Variants in JAKMIP2 observed in about 807,000 individuals in gnomAD.
JAKMIP2 encodes the protein janus kinase and microtubule interacting protein 2, also known as janus kinase and microtubule-interacting protein 2.
In JAKMIP2, 25 loss-of-function variants were observed where a neutral mutation model predicts 115.0. The observed-to-expected ratio is 0.22, with a 90% CI of 0.16 to 0.30. JAKMIP2 has a LOEUF of 0.30. JAKMIP2 is among the 10% of genes least tolerant of loss of function. The pLI is 1.00. For synonymous variants in JAKMIP2, 334 were observed against 343.6 expected, an observed-to-expected ratio of 0.97 and a Z score of 0.31; for missense variants, 642 against 957.6, an observed-to-expected ratio of 0.67 and a Z score of 4.35.
chr5:147,676,867 A>G (rs1199116723), intron 1 of JAKMIP2, among the ~76,000 whole-genome samples: 1 of 152,232 alleles, frequency 6.6e-6, no homozygotes, highest in African/African-American at 2.4e-5. Context: ...TGAGAAGGAA[A>G]TATAGTGTAG....
chr5:147,656,802 G>A (rs2126767078), intron 3 of JAKMIP2, among the ~76,000 whole-genome samples: 1 of 152,278 alleles, frequency 6.6e-6, no homozygotes, highest in Non-Finnish European at 1.5e-5. Context: ...ATATTTTGGT[G>A]TGTTTTTGCA....
intron 1 of JAKMIP2, among the ~76,000 whole-genome samples, chr5:147,722,978 GA>G (rs1753374401): frequency 6.6e-6 from 1 of 151,912 alleles, no homozygotes; most frequent in African/African-American, 2.4e-5. Context: ...TTTGGGGGAT[GA>G]AAAATAAGAA....
chr5:147,602,768 A>G (rs983139132), intron 20 of JAKMIP2, among the ~76,000 whole-genome samples: 1 of 152,200 alleles, frequency 6.6e-6, no homozygotes, highest in Non-Finnish European at 1.5e-5. Context: ...CACTCCAGGA[A>G]CATACCGTTG....
At chr5:147,657,656 G>C (rs187653645) in intron 3 of JAKMIP2, among the ~76,000 whole-genome samples, 1 of 151,872 alleles carries the variant, frequency 6.6e-6, no homozygotes, top group Non-Finnish European at 1.5e-5. Flanking sequence ...TTGTAGGTTC[G>C]GTGTTTTAAC....
intron 20 of JAKMIP2, among the ~76,000 whole-genome samples, chr5:147,603,374 A>C (rs1755815798): frequency 6.6e-6 from 1 of 152,216 alleles, no homozygotes; most frequent in African/African-American, 2.4e-5. Context: ...TACAGATATT[A>C]TGCTCTAGAT....
chr5:147,635,860 C>T (rs1022027640), intron 12 of JAKMIP2, among the ~76,000 whole-genome samples: 1 of 152,066 alleles, frequency 6.6e-6, no homozygotes, highest in African/African-American at 2.4e-5. Flanking sequence ...TGTGCCTGGC[C>T]CTCATAGAGG....
chr5:147,680,065 T>C (rs560381290), intron 1 of JAKMIP2, among the ~76,000 whole-genome samples: 1 of 152,198 alleles, frequency 6.6e-6, no homozygotes, highest in Non-Finnish European at 1.5e-5. Context: ...AGCTTCTGTT[T>C]CCTCACTGTA....
chr5:147,620,361 C>G (rs201642730), intron 18 of JAKMIP2, among the ~76,000 whole-genome samples: 1 of 152,134 alleles, frequency 6.6e-6, no homozygotes, highest in African/African-American at 2.4e-5. Flanking sequence ...GGGATCTGCC[C>G]ACCTTGGTTT....
intron 1 of JAKMIP2, among the ~76,000 whole-genome samples, chr5:147,715,937 G>A (rs10043862): frequency 0.023 from 3,267 of 141,026 alleles, 138 homozygotes; most frequent in African/African-American, 0.082. Context: ...CTGGTGCACT[G>A]CACCCACTAA....
chr5:147,738,807 C>T (rs977148531), intron 1 of JAKMIP2, among the ~76,000 whole-genome samples: 2 of 152,134 alleles, frequency 1.3e-5, no homozygotes, highest in African/African-American at 2.4e-5. Flanking sequence ...GTGGCAGCTA[C>T]CTCCCATGAT....
intron 12 of JAKMIP2, 117 bp downstream of exon 12, chr5:147,636,105 G>C: frequency 2.7e-6 from 2 of 743,326 alleles, no homozygotes; most frequent in Admixed American, 4.8e-5. Flanking sequence ...ACAGAGCAGT[G>C]CCGGAAAAGC....
At chr5:147,765,642 C>T (rs958914146) in intron 1 of JAKMIP2, among the ~76,000 whole-genome samples, 5 of 152,072 alleles carry the variant, frequency 3.3e-5, no homozygotes, top group South Asian at 2.1e-4. Context: ...AAGACAACTT[C>T]TTGAAATTCT....
intron 3 of JAKMIP2, among the ~76,000 whole-genome samples, chr5:147,653,268 C>T (rs1758499282): frequency 6.6e-6 from 1 of 152,098 alleles, no homozygotes; most frequent in African/African-American, 2.4e-5. Flanking sequence ...GGTTCTAGAT[C>T]CCTGAGGAAT....
intron 1 of JAKMIP2, among the ~76,000 whole-genome samples, chr5:147,776,013 G>A (rs1024594459): frequency 3.9e-5 from 6 of 152,048 alleles, no homozygotes; most frequent in African/African-American, 1.2e-4. Context: ...TATACCTAGG[G>A]AATTTTCTCC....
chr5:147,781,076 T>G (rs971531114), intron 1 of JAKMIP2, among the ~76,000 whole-genome samples: 1 of 152,178 alleles, frequency 6.6e-6, no homozygotes, highest in Non-Finnish European at 1.5e-5. Context: ...CAGATCCCAG[T>G]AAGCATTTGT....
At chr5:147,613,446 T>C (rs1756427040) in intron 19 of JAKMIP2, among the ~76,000 whole-genome samples, 1 of 152,206 alleles carries the variant, frequency 6.6e-6, no homozygotes, top group Non-Finnish European at 1.5e-5. Flanking sequence ...TCCTTCTCTT[T>C]AAAAGAGTAG....
intron 3 of JAKMIP2, among the ~76,000 whole-genome samples, chr5:147,655,524 C>T (rs1054528954): frequency 1.3e-5 from 2 of 152,010 alleles, no homozygotes; most frequent in Non-Finnish European, 2.9e-5. Context: ...GTAGTTTGTA[C>T]TGCTATGGAG....
chr5:147,657,790 G>A (rs994601270), intron 3 of JAKMIP2, among the ~76,000 whole-genome samples: 4 of 151,618 alleles, frequency 2.6e-5, no homozygotes, highest in African/African-American at 9.7e-5. Flanking sequence ...CTGCTTGGTC[G>A]ATTTGGCTAT....
intron 1 of JAKMIP2, among the ~76,000 whole-genome samples, chr5:147,755,998 A>T (rs1301375693): frequency 6.6e-6 from 1 of 152,208 alleles, no homozygotes; most frequent in Non-Finnish European, 1.5e-5. Flanking sequence ...TAACAAAAAG[A>T]AACACAGGTT....
Sources: gnomAD v4.1 joint callset for allele counts (sites outside exome capture counted in the v4.1 genomes callset) on GRCh38, gnomAD v4.1.1 for gene constraint, MANE v1.5 for transcripts, NCBI Gene and HGNC (gene_info 2026-07-23, HGNC 2026-07-21) for gene names.